Variants in SYNE1 observed in about 807,000 individuals in gnomAD.
SYNE1 encodes spectrin repeat containing nuclear envelope protein 1.
SYNE1 carries 616 observed loss-of-function variants against 1,111.0 expected under a neutral mutation model. The ratio of observed to expected loss-of-function variants is 0.55; its 90% CI spans 0.52 to 0.59. The LOEUF (loss-of-function observed/expected upper bound fraction) is 0.59, where lower values mean the gene tolerates loss of function less well. Among genes scored for constraint, SYNE1 ranks in the 20% least tolerant of loss-of-function variants. SYNE1 has a pLI of 0.00. For missense variants in SYNE1, 10,006 were observed against 10,417.0 expected (o/e 0.96, Z 1.72); for synonymous variants, 3,855 against 3,825.8 (o/e 1.01, Z -0.28).
At position 152,236,894 on chromosome 6, in the gene SYNE1, C is replaced by G. The variant is rs765132195; in HGVS notation, c.20122G>C (p.Val6708Leu). 2 of 1,614,168 alleles carry G rather than the reference C, an allele frequency of 1.2e-6. No homozygotes were observed. Among genetic ancestry groups the G allele is most frequent in the Non-Finnish European group, 1.7e-6 (2 of 1,180,024 alleles). ...CCCACGCTTGGGATGCTGCTTTCCA[C>G]CACCTCCAGCTGTCTGCTGAGCTCC... ...QQELSRQLEV[V>L]ESSIPSVGLV... The change falls in exon 109 of 146, where the codon GTG becomes CTG. Residue 6708 changes from valine (V) to leucine (L), a missense_variant. Coordinates refer to ENST00000367255, the MANE Select transcript of SYNE1 (RefSeq NM_182961.4).
intron 51 of SYNE1, among the ~76,000 whole-genome samples, chr6:152,393,022 A>G (rs2097670825): frequency 6.6e-6 from 1 of 152,204 alleles, no homozygotes; most frequent in Admixed American, 6.5e-5. Context: ...TGAGCAGAAC[A>G]GTGTGTTAGG....
chr6:152,537,996 T>C (rs556348839), intron 4 of SYNE1, among the ~76,000 whole-genome samples: 10 of 152,174 alleles, frequency 6.6e-5, no homozygotes, highest in Non-Finnish European at 1.5e-4. Flanking sequence ...TATGTATACC[T>C]GGATTACCAT....
rs1397225160 is a variant in SYNE1 at position 152,233,935 on chromosome 6, G to A, written c.20558C>T (p.Ser6853Phe). ...ACTCAGAACAGATGATTTCAGGGAA[G>A]ATTGGGCATCCACTTCTTTAGAAAA... Reference protein sequence around the residue: ...LEFSKEVDAQSSLKSSVLSTG... With the variant: ...LEFSKEVDAQFSLKSSVLSTG... Residue 6853 changes from serine (S) to phenylalanine (F), a missense_variant, in exon 112 of 146, where the codon TCT (serine) becomes TTT (phenylalanine). This residue lies in a region of SYNE1 where 2,182 missense variants were observed against 2,287.8 expected (regional missense o/e 0.95). Transcript: ENST00000367255. The A allele has an allele frequency of 6.2e-7, 1 of 1,614,050 alleles. No individual in the cohort carries two copies. The highest frequency in any genetic ancestry group is 8.5e-7 in the Non-Finnish European group (1 of 1,180,040).
chr6:152,308,609 T>C lies in SYNE1; in HGVS notation c.17226A>G (p.Gln5742=). The C allele has an allele frequency of 1.2e-6, 2 of 1,612,368 alleles. No homozygotes were observed. Among genetic ancestry groups the C allele is most frequent in the Non-Finnish European group, 1.7e-6 (2 of 1,179,876 alleles). Residue 5742 remains glutamine (Q), a synonymous_variant, in exon 91 of 146, where the codon CAA becomes CAG. Transcript: ENST00000367255. ...IMQEAVVQYE[Q]YEQEMKHLQQ... ...GGAGATGTTTCATTTCTTGCTCATA[T>C]TGTTCATATTGTACCACAGCTTCCT...
Position 152,318,925 on chromosome 6 carries a change from T to A in SYNE1, c.16327A>T (p.Thr5443Ser). 3 of 1,614,230 alleles carry A rather than the reference T, an allele frequency of 1.9e-6. No individual in the cohort carries two copies. The highest frequency in any genetic ancestry group is 2.5e-6 in the Non-Finnish European group (3 of 1,180,034). The change falls in exon 85 of 146, where the codon ACT becomes TCT. Residue 5443 changes from threonine (T) to serine (S), a missense_variant. Around this residue, in one of 7 missense-constraint regions of SYNE1, gnomAD observed 4,955 missense variants for 5,017.2 expected, o/e 0.99. Coordinates refer to ENST00000367255, the MANE Select transcript of SYNE1 (RefSeq NM_182961.4). ...TTCGCTTTCAGCTTAGTTAGAATAG[T>A]TGTGAGGTCTTTAGCTAACTTCTGA... ...QIQKLAKDLT[T>S]ILTKLKAKTD...
intron 3 of SYNE1, among the ~76,000 whole-genome samples, chr6:152,561,498 A>G (rs2099395132): frequency 6.6e-6 from 1 of 152,112 alleles, no homozygotes; most frequent in Non-Finnish European, 1.5e-5. Flanking sequence ...TGTTCATATT[A>G]CCTTAAATGA....
chr6:152,192,524 T>G (rs1321854049), intron 127 of SYNE1, among the ~76,000 whole-genome samples: 3 of 152,032 alleles, frequency 2.0e-5, no homozygotes, highest in African/African-American at 7.2e-5. Flanking sequence ...TAGGCTGGAG[T>G]GCAGTGGTGT....
At chr6:152,614,526 CTGTTGGTGGGAGTG>C (rs2099640624) in intron 3 of SYNE1, among the ~76,000 whole-genome samples, 1 of 152,140 alleles carries the variant, frequency 6.6e-6, no homozygotes, top group South Asian at 2.1e-4. Flanking sequence ...TGCTTTTACA[CTGTTGGTGGGAGTG>C]TAAATTAATT....
At position 152,326,269 on chromosome 6, in the gene SYNE1, C is replaced by T. The variant is rs538352783; in HGVS notation, c.15293+27G>A. On this transcript the variant is annotated intron_variant, in intron 79 of 145. Coordinates refer to ENST00000367255, the MANE Select transcript of SYNE1 (RefSeq NM_182961.4). The stretch of plus-strand genomic sequence containing the variant: ...AGTGTGGAAATTCATTTCACTAAAA[C>T]ATAAAACACAAAACATCCTGAAATA... The T allele has an allele frequency of 7.4e-6, 12 of 1,613,884 alleles. No individual in the cohort carries two copies. In the African/African-American group the frequency reaches 1.6e-4, roughly 22 times the overall value.
At chr6:152,533,443 C>G (rs2099215603) in intron 4 of SYNE1, among the ~76,000 whole-genome samples, 1 of 151,810 alleles carries the variant, frequency 6.6e-6, no homozygotes, top group East Asian at 1.9e-4. Context: ...ATTATTGTAC[C>G]AAGTTATTTA....
intron 3 of SYNE1, among the ~76,000 whole-genome samples, chr6:152,563,263 T>C (rs559784299): frequency 6.6e-6 from 1 of 152,264 alleles, no homozygotes; most frequent in East Asian, 1.9e-4. Context: ...CCAACTCTCC[T>C]AGCAGCATTC....
chr6:152,136,688 C>T lies in SYNE1; in HGVS notation c.25589G>A (p.Arg8530His), dbSNP rs368250997. ...CAGCAGAGAGCACACTCGGTCCCAG[C>T]GCCCATTCATCTGCGACAAGCGATC... Reference protein sequence around the residue: ...LQDRLSQMNGRWDRVCSLLEE... With the variant: ...LQDRLSQMNGHWDRVCSLLEE... The change falls in exon 141 of 146, where the codon CGC (arginine) becomes CAC (histidine). Residue 8530 changes from arginine to histidine, a missense_variant. Arg to His is a conservative substitution (Grantham distance 29). Around this residue, in one of 7 missense-constraint regions of SYNE1, gnomAD observed 761 missense variants for 795.5 expected, o/e 0.96. Coordinates refer to ENST00000367255, the MANE Select transcript of SYNE1 (RefSeq NM_182961.4). 2.0e-5 allele frequency: 33 copies of T among 1,614,114 alleles called. No homozygotes were observed. Among genetic ancestry groups the T allele is most frequent in the South Asian group, 1.3e-4 (12 of 91,090 alleles).
At chr6:152,598,368 A>G (rs1222262864) in intron 3 of SYNE1, among the ~76,000 whole-genome samples, 1 of 152,154 alleles carries the variant, frequency 6.6e-6, no homozygotes, top group African/African-American at 2.4e-5. Context: ...AGCCACGTGG[A>G]ACTGTGAGCC....
At chr6:152,181,232 T>G (rs1284324296) in intron 128 of SYNE1, among the ~76,000 whole-genome samples, 2 of 88,458 alleles carry the variant, frequency 2.3e-5, no homozygotes, top group African/African-American at 8.6e-5. Context: ...GCCAACATGG[T>G]GAAACCCCAT....
At chr6:152,209,374 G>T (rs538481756) in intron 124 of SYNE1, among the ~76,000 whole-genome samples, 1 of 152,052 alleles carries the variant, frequency 6.6e-6, no homozygotes, top group Non-Finnish European at 1.5e-5. Context: ...CCCAGACAAC[G>T]TCAACAAAAC....
intron 126 of SYNE1, among the ~76,000 whole-genome samples, chr6:152,205,697 TC>T (rs2076381181): frequency 6.6e-6 from 1 of 152,218 alleles, no homozygotes; most frequent in African/African-American, 2.4e-5. Flanking sequence ...TTAATACACC[TC>T]CTGGAGATTT....
Position 152,563,128 on chromosome 6 carries a change from TAC to T in SYNE1, c.68-23109_68-23108del. Among the ~76,000 whole-genome samples, 4 of 151,884 alleles carry T rather than the reference TAC, an allele frequency of 2.6e-5. No homozygotes were observed. The South Asian group carries it at 8.3e-4, about 32-fold the overall frequency. ...CATAGAGACAACAATAACAAAATAG[TAC>T]CTTTTATCATACCCGGAGTCTTGTA... On this transcript the variant is annotated intron_variant, in intron 3 of 145. Transcript: ENST00000367255.
intron 98 of SYNE1, chr6:152,277,458 T>G (rs1410304817): frequency 2.0e-5 from 3 of 151,286 alleles, no homozygotes; most frequent in Non-Finnish European, 4.4e-5. Context: ...TTTTTTTTTT[T>G]TGTATTTTTA....
intron 106 of SYNE1, among the ~76,000 whole-genome samples, chr6:152,243,296 A>C (rs945032499): frequency 2.0e-5 from 3 of 152,224 alleles, no homozygotes; most frequent in African/African-American, 7.2e-5. Flanking sequence ...ACTACCCCTC[A>C]AACAAAGAGC....
Sources: gnomAD v4.1 joint callset for allele counts (sites outside exome capture counted in the v4.1 genomes callset) on GRCh38, gnomAD v4.1.1 for gene constraint, gnomAD v4.1.1 regional missense constraint, MANE v1.5 for transcripts, NCBI Gene and HGNC (gene_info 2026-07-23, HGNC 2026-07-21) for gene names.